COL24A1: variants seen among roughly 807,000 people sequenced by gnomAD.
COL24A1 encodes collagen alpha-1(XXIV) chain.
COL24A1 carries 224 observed loss-of-function variants against 253.9 expected under a neutral mutation model. The observed-to-expected ratio is 0.88, with a 90% CI of 0.79 to 0.99. COL24A1 has a LOEUF of 0.99. Ranked by LOEUF, COL24A1 falls within the 50% of genes least tolerant of loss-of-function variation. COL24A1 has a pLI of 0.00. For synonymous variants in COL24A1, 685 were observed against 673.7 expected (o/e 1.02, Z -0.26); for missense variants, 2,131 against 2,068.5 (o/e 1.03, Z -0.59).
intron 7 of COL24A1, among the ~76,000 whole-genome samples, chr1:86,083,109 A>G (rs1702780919): frequency 6.6e-6 from 1 of 152,046 alleles, no homozygotes; most frequent in Admixed American, 6.6e-5. Flanking sequence ...CATTCTGGCT[A>G]ACACGGTGAA....
intron 32 of COL24A1, among the ~76,000 whole-genome samples, chr1:85,882,432 C>A (rs1681963064): frequency 6.6e-6 from 1 of 152,098 alleles, no homozygotes; most frequent in East Asian, 1.9e-4. Flanking sequence ...CCACTGCACT[C>A]CAGCCTGGGC....
intron 20 of COL24A1, among the ~76,000 whole-genome samples, chr1:85,976,285 C>A (rs647977): frequency 1.3e-5 from 2 of 152,006 alleles, no homozygotes; most frequent in Non-Finnish European, 2.9e-5. Context: ...TACCTGGAGA[C>A]AAACTCAGTG....
At position 85,959,618 on chromosome 1, in the gene COL24A1, T is replaced by C. The variant is rs189633315; in HGVS notation, c.2562+1631A>G. Among the ~76,000 whole-genome samples the C allele has an allele frequency of 9.9e-5, 15 of 152,230 alleles. No individual in the cohort carries two copies. The East Asian group carries it at 2.7e-3, about 27-fold the overall frequency. The stretch of plus-strand genomic sequence containing the variant: ...TGTTTGAGAATTAAATGGAATACCG[T>C]AATATGAAATGTCACTTGGCACTAT... On this transcript the variant is annotated intron_variant, in intron 24 of 59. Transcript: ENST00000370571.
intron 52 of COL24A1, among the ~76,000 whole-genome samples, chr1:85,778,021 A>ATCTCTATC (rs1553173102): frequency 1.1e-5 from 1 of 89,216 alleles, no homozygotes; most frequent in Non-Finnish European, 2.3e-5. Context: ...ATATGTCTCT[A>ATCTCTATC]TCTCTATCTA....
chr1:86,133,247 T>G (rs910887189), intron 2 of COL24A1, among the ~76,000 whole-genome samples: 1 of 152,128 alleles, frequency 6.6e-6, no homozygotes, highest in Non-Finnish European at 1.5e-5. Flanking sequence ...TAAGGAGATT[T>G]GGGGCTGAGA....
intron 51 of COL24A1, among the ~76,000 whole-genome samples, chr1:85,781,669 G>A (rs190093081): frequency 3.5e-4 from 53 of 152,212 alleles, no homozygotes; most frequent in Admixed American, 2.6e-3. Flanking sequence ...GTAGATGTTT[G>A]GGTAACATGA....
intron 4 of COL24A1, among the ~76,000 whole-genome samples, chr1:86,112,977 C>A (rs985582804): frequency 6.6e-6 from 1 of 152,066 alleles, no homozygotes; most frequent in Non-Finnish European, 1.5e-5. Context: ...TATTGCTGTT[C>A]TAACTGCCTT....
At chr1:85,884,491 C>T (rs1408728141) in intron 32 of COL24A1, among the ~76,000 whole-genome samples, 1 of 152,042 alleles carries the variant, frequency 6.6e-6, no homozygotes, top group African/African-American at 2.4e-5. Context: ...TCTGTTATTG[C>T]ACAGGAACCC....
intron 2 of COL24A1, among the ~76,000 whole-genome samples, chr1:86,139,344 A>G (rs186927423): frequency 2.6e-5 from 4 of 152,230 alleles, no homozygotes; most frequent in East Asian, 3.9e-4. Flanking sequence ...CTGTGGGGGG[A>G]ATATAGTATA....
At chr1:85,871,354 G>A (rs1680459826) in intron 35 of COL24A1, among the ~76,000 whole-genome samples, 1 of 152,138 alleles carries the variant, frequency 6.6e-6, no homozygotes, top group African/African-American at 2.4e-5. Flanking sequence ...TATGAGGCCA[G>A]CATCATCCTG....
intron 51 of COL24A1, among the ~76,000 whole-genome samples, chr1:85,782,717 A>T (rs1669262593): frequency 6.6e-6 from 1 of 152,172 alleles, no homozygotes; most frequent in African/African-American, 2.4e-5. Context: ...CTACATCTGC[A>T]CTGCTTCCCT....
intron 24 of COL24A1, among the ~76,000 whole-genome samples, chr1:85,913,488 T>C (rs1018219292): frequency 3.9e-5 from 6 of 152,170 alleles, no homozygotes; most frequent in African/African-American, 9.7e-5. Flanking sequence ...TTTCTGCCCA[T>C]GCTCTGCTGG....
intron 10 of COL24A1, among the ~76,000 whole-genome samples, chr1:86,051,748 A>G (rs1700321484): frequency 2.0e-5 from 3 of 152,152 alleles, no homozygotes; most frequent in Admixed American, 1.3e-4. Flanking sequence ...CTATCTGTCT[A>G]TAAGAATCAA....
At position 85,730,313 on chromosome 1, in the gene COL24A1, A is replaced by G. The variant is rs550457455; in HGVS notation, c.*233T>C. ...AATTTTTAGTTCTAGGGAATTCTCT[A>G]AGAAAGCTGAGATGAATATAATTTT... is the stretch of plus-strand genomic sequence containing the variant. On this transcript the variant is annotated 3_prime_UTR_variant, in exon 60 of 60. Coordinates refer to ENST00000370571, the MANE Select transcript of COL24A1 (RefSeq NM_152890.7). 2.3e-5 allele frequency: 8 copies of G among 341,648 alleles called. No individual in the cohort carries two copies. Among genetic ancestry groups the G allele is most frequent in the African/African-American group, 1.5e-4 (7 of 47,986 alleles). The allele number at this position is 341,648 out of a possible 1,614,324, so 21.2% of individuals were successfully genotyped here. A position where few individuals can be genotyped will look rare whatever the true frequency, so the allele number is the denominator to read the frequency against.
Position 86,023,008 on chromosome 1 carries a change from C to A in COL24A1, c.2050-1G>T. 1 of 1,612,228 alleles carries A rather than the reference C, an allele frequency of 6.2e-7. No individual in the cohort carries two copies. Among genetic ancestry groups the A allele is most frequent in the East Asian group, 2.2e-5 (1 of 44,750 alleles). Reference sequence around the variant, plus strand: ...TTGGTCCCACAGGGCCAACACTGCCCTGGAAAACAGTAAGAAAGAAATGCA... The same window carrying A: ...TTGGTCCCACAGGGCCAACACTGCCATGGAAAACAGTAAGAAAGAAATGCA... On this transcript the variant is annotated splice_acceptor_variant, in intron 14 of 59. Transcript: ENST00000370571. LOFTEE classifies it high-confidence loss of function.
At chr1:86,136,297 T>C (rs1650236381) in intron 2 of COL24A1, among the ~76,000 whole-genome samples, 1 of 152,064 alleles carries the variant, frequency 6.6e-6, no homozygotes, top group African/African-American at 2.4e-5. Context: ...GGGCTAAATG[T>C]ATATTTTGGG....
In COL24A1 at chr1:86,056,868, A is replaced by G. The variant is rs549352101; in HGVS notation, c.1851+1063T>C. Reference sequence around the variant, plus strand: ...GACTCTGTCTCACCAAAAAAAAAAAACACAAAACAAAAACAACAACAACAA... The same window carrying G: ...GACTCTGTCTCACCAAAAAAAAAAAGCACAAAACAAAAACAACAACAACAA... On this transcript the variant is annotated intron_variant, in intron 10 of 59. Coordinates refer to ENST00000370571, the MANE Select transcript of COL24A1 (RefSeq NM_152890.7). Among the ~76,000 whole-genome samples the G allele has an allele frequency of 5.3e-5, 8 of 151,802 alleles. 2 individuals are homozygous for G. The South Asian group carries it at 1.7e-3, about 32-fold the overall frequency.
intron 37 of COL24A1, among the ~76,000 whole-genome samples, chr1:85,862,842 C>A (rs1485369187): frequency 3.3e-5 from 5 of 152,120 alleles, no homozygotes; most frequent in Non-Finnish European, 7.4e-5. Flanking sequence ...ACAAGAAACA[C>A]TTCTGTGAAG....
At chr1:86,054,088 T>C (rs1015397792) in intron 10 of COL24A1, among the ~76,000 whole-genome samples, 1 of 152,132 alleles carries the variant, frequency 6.6e-6, no homozygotes, top group African/African-American at 2.4e-5. Flanking sequence ...TTGCTAACCA[T>C]ATGCAGAAGA....
Sources: allele counts gnomAD v4.1 joint callset (sites outside exome capture counted in the v4.1 genomes callset), GRCh38; gene constraint gnomAD v4.1.1; transcripts MANE v1.5; gene names NCBI Gene and HGNC (gene_info 2026-07-23, HGNC 2026-07-21).